Variants in SYNPO observed in about 807,000 individuals in gnomAD.
SYNPO encodes the protein synaptopodin.
SYNPO carries 19 observed loss-of-function variants against 49.5 expected under a neutral mutation model. The ratio of observed to expected loss-of-function variants is 0.38; its 90% CI spans 0.27 to 0.56. The LOEUF is 0.56. SYNPO is among the 20% of genes least tolerant of loss of function. The pLI is 0.68. For synonymous variants in SYNPO, 536 were observed against 548.0 expected, an observed-to-expected ratio of 0.98 and a Z score of 0.31; for missense variants, 1,131 against 1,248.3, an observed-to-expected ratio of 0.91 and a Z score of 1.42.
At chr5:150,608,801 T>C (rs1399911507) in intron 1 of SYNPO, among the ~76,000 whole-genome samples, 1 of 152,160 alleles carries the variant, frequency 6.6e-6, no homozygotes, top group Non-Finnish European at 1.5e-5. Context: ...TTGGAATGTA[T>C]AAAAGATCCT....
At chr5:150,650,568 A>T in intron 2 of SYNPO, 1 of 1,458,922 alleles carries the variant, frequency 6.9e-7, no homozygotes, top group Non-Finnish European at 9.1e-7. Flanking sequence ...CTGAGCGGGG[A>T]GGAGGGTCAT....
chr5:150,654,650 C>G (rs370596832), intron 2 of SYNPO, among the ~76,000 whole-genome samples: 9 of 152,158 alleles, frequency 5.9e-5, no homozygotes, highest in Admixed American at 5.9e-4. Flanking sequence ...CTCCCCATTG[C>G]TGTGAAAAAG....
the SYNPO span, among the ~76,000 whole-genome samples, chr5:150,589,333 G>A: frequency 6.6e-6 from 1 of 152,112 alleles, no homozygotes; most frequent in African/African-American, 2.4e-5. Flanking sequence ...CAAAGTGCTA[G>A]GATTACAGGC....
intron 2 of SYNPO, among the ~76,000 whole-genome samples, chr5:150,624,330 G>T (rs542142747): frequency 6.6e-6 from 1 of 152,290 alleles, no homozygotes; most frequent in African/African-American, 2.4e-5. Context: ...GGTGGGAGGT[G>T]GTACCAGTTA....
upstream of SYNPO, chr5:150,640,547 G>A: frequency 1.5e-6 from 1 of 679,308 alleles, no homozygotes; most frequent in Non-Finnish European, 1.8e-6. Flanking sequence ...AGAGGCATGA[G>A]TGGAGCCCGG....
At chr5:150,621,792 C>A (rs751035992) in intron 2 of SYNPO, among the ~76,000 whole-genome samples, 2 of 152,122 alleles carry the variant, frequency 1.3e-5, no homozygotes, top group Admixed American at 1.3e-4. Context: ...GCCCTGTGGG[C>A]AGGCTAGAGG....
At chr5:150,640,464 T>C (rs2151401723), upstream of SYNPO, among the ~76,000 whole-genome samples, 1 of 152,244 alleles carries the variant, frequency 6.6e-6, no homozygotes. Flanking sequence ...AGCAGGGGTT[T>C]GAATGCCAGG....
At chr5:150,602,624 T>C (rs1756573818) in intron 1 of SYNPO, among the ~76,000 whole-genome samples, 1 of 152,176 alleles carries the variant, frequency 6.6e-6, no homozygotes, top group Non-Finnish European at 1.5e-5. Context: ...TTTATTTGTT[T>C]ATTTTATTTT....
chr5:150,607,910 C>CT (rs111540637), intron 1 of SYNPO, among the ~76,000 whole-genome samples: 1 of 152,084 alleles, frequency 6.6e-6, no homozygotes, highest in African/African-American at 2.4e-5. Context: ...ATTTTACATT[C>CT]TTTTTTTGGT....
upstream of SYNPO, among the ~76,000 whole-genome samples, chr5:150,598,069 T>C (rs923654488): frequency 6.6e-6 from 1 of 152,068 alleles, no homozygotes; most frequent in African/African-American, 2.4e-5. Flanking sequence ...TAGTGGGATC[T>C]TGCCTGTGAA....
At chr5:150,643,840 C>T (rs1179207322) in intron 1 of SYNPO, among the ~76,000 whole-genome samples, 1 of 152,074 alleles carries the variant, frequency 6.6e-6, no homozygotes, top group African/African-American at 2.4e-5. Context: ...GCTGAGAAGA[C>T]TTTTTCTCTG....
At chr5:150,637,439 G>C (rs935212921), upstream of SYNPO, among the ~76,000 whole-genome samples, 6 of 152,244 alleles carry the variant, frequency 3.9e-5, no homozygotes, top group Non-Finnish European at 7.3e-5. Flanking sequence ...TCGCACATTA[G>C]AAGTGCTCAG....
At chr5:150,642,033 C>G (rs114936918) in intron 1 of SYNPO, among the ~76,000 whole-genome samples, 1,993 of 152,330 alleles carry the variant, frequency 0.013, 25 homozygotes, top group Non-Finnish European at 0.016. Context: ...TTGTGTGACC[C>G]TGGGCAGGTC....
intron 2 of SYNPO, chr5:150,652,509 G>A (rs1758426632): frequency 2.9e-6 from 2 of 692,600 alleles, no homozygotes; most frequent in Non-Finnish European, 3.6e-6. Flanking sequence ...CACTGGTACA[G>A]ACGTGTGCTG....
the SYNPO span, among the ~76,000 whole-genome samples, chr5:150,589,063 A>AT: frequency 0.13 from 18,186 of 145,150 alleles, 3,826 homozygotes; most frequent in African/African-American, 0.44. Flanking sequence ...TGCTTTATAG[A>AT]TTTTTTTTTT....
Position 150,648,513 on chromosome 5 carries a change from C to T in SYNPO, c.238C>T (p.Leu80Phe). ...NQNLASPSAT[L>F]TTPTSNSSHN... ...AAACCTTGCCTCGCCCAGTGCCACG[C>T]TCACCACACCAACTTCTAACAGCAG... Residue 80 changes from leucine to phenylalanine, a missense_variant, in exon 2 of 3, where the codon CTC (leucine) becomes TTC (phenylalanine). Transcript: ENST00000307662. The surrounding 1 kb of genome is among the most constrained non-coding windows in gnomAD (Gnocchi z 5.0). 7 of 1,614,228 alleles carry T rather than the reference C, an allele frequency of 4.3e-6. No individual in the cohort carries two copies. The highest frequency in any genetic ancestry group is 4.5e-5 in the East Asian group (2 of 44,886).
chr5:150,650,213 C>A lies in SYNPO; in HGVS notation c.1938C>A (p.Ser646=), dbSNP rs774950057. Residue 646 remains serine, a synonymous_variant, in exon 2 of 3, where the codon TCC becomes TCA. Coordinates refer to ENST00000307662, the MANE Select transcript of SYNPO (RefSeq NM_007286.6). The stretch of plus-strand genomic sequence containing the variant: ...GCCCTCCTTACGGCGGTGACATCTC[C>A]CCCGTGTCTCCCTCCAGGGCGTGGT... The part of the protein sequence containing the change: ...AVSPPYGGDI[S]PVSPSRAWSP... 3.6e-5 allele frequency: 58 copies of A among 1,613,836 alleles called. No homozygotes were observed. The highest frequency in any genetic ancestry group is 4.9e-5 in the Non-Finnish European group (58 of 1,180,048).
At chr5:150,607,023 T>C (rs1271605432) in intron 1 of SYNPO, among the ~76,000 whole-genome samples, 1 of 150,554 alleles carries the variant, frequency 6.6e-6, no homozygotes, top group African/African-American at 2.4e-5. Context: ...TTTTATTTCA[T>C]CCTACATTGG....
At chr5:150,606,534 G>A (rs527333452) in intron 1 of SYNPO, among the ~76,000 whole-genome samples, 13 of 152,356 alleles carry the variant, frequency 8.5e-5, no homozygotes, top group Middle Eastern at 6.8e-3. Flanking sequence ...GCCGGCTGCC[G>A]AACCATGCTG....
Sources: gnomAD v4.1 joint callset for allele counts (sites outside exome capture counted in the v4.1 genomes callset) on GRCh38, gnomAD v4.1.1 for gene constraint, Gnocchi (gnomAD v3.1) non-coding constraint, MANE v1.5 for transcripts, NCBI Gene and HGNC (gene_info 2026-07-23, HGNC 2026-07-21) for gene names.